FRMD4A: variants seen among roughly 807,000 people sequenced by gnomAD.
The protein encoded by FRMD4A is FERM domain-containing protein 4A.
Under a neutral mutation model 129.1 loss-of-function variants are expected in FRMD4A, and 29 were observed. The ratio of observed to expected loss-of-function variants is 0.22; its 90% CI spans 0.17 to 0.31. The LOEUF (loss-of-function observed/expected upper bound fraction) is 0.31. Ranked by LOEUF, FRMD4A falls within the 10% of genes least tolerant of loss-of-function variation. FRMD4A has a pLI of 1.00. For synonymous variants in FRMD4A, 634 were observed against 571.6 expected (o/e 1.11, Z -1.56); for missense variants, 1,272 against 1,375.8 (o/e 0.92, Z 1.19).
chr10:14,263,803 C>G (rs1844887339), intron 2 of FRMD4A, among the ~76,000 whole-genome samples: 1 of 152,256 alleles, frequency 6.6e-6, no homozygotes, highest in South Asian at 2.1e-4. Flanking sequence ...GGCGCCCACC[C>G]TTGATAAACC....
intron 2 of FRMD4A, among the ~76,000 whole-genome samples, chr10:13,866,028 A>G (rs1231534152): frequency 6.6e-6 from 1 of 152,144 alleles, no homozygotes; most frequent in Non-Finnish European, 1.5e-5. Context: ...CGTGAAAAGC[A>G]AGCCACCACG....
intron 2 of FRMD4A, among the ~76,000 whole-genome samples, chr10:13,941,827 C>T (rs2095294809): frequency 1.3e-5 from 2 of 152,196 alleles, no homozygotes; most frequent in Admixed American, 1.3e-4. Flanking sequence ...AACAGAAAGT[C>T]TTAGAGAGAA....
chr10:13,751,560 G>A (rs534416748), intron 8 of FRMD4A, among the ~76,000 whole-genome samples: 1 of 152,338 alleles, frequency 6.6e-6, no homozygotes, highest in African/African-American at 2.4e-5. Context: ...CCCAGAGCTT[G>A]CAAGGCTGTG....
chr10:14,048,902 G>GAATAGAATAGAATAT (rs1174889801), intron 2 of FRMD4A, among the ~76,000 whole-genome samples: 1 of 122,708 alleles, frequency 8.1e-6, no homozygotes, highest in East Asian at 2.7e-4. Flanking sequence ...GAATAGAATA[G>GAATAGAATAGAATAT]AAAATAAAAT....
intron 2 of FRMD4A, chr10:14,074,380 C>G (rs1215720321): frequency 2.6e-5 from 4 of 152,140 alleles, no homozygotes; most frequent in African/African-American, 9.7e-5. Flanking sequence ...GGGTCTTCAA[C>G]GAGATGAATT....
At chr10:13,952,346 TA>T (rs2095378217) in intron 2 of FRMD4A, among the ~76,000 whole-genome samples, 1 of 151,686 alleles carries the variant, frequency 6.6e-6, no homozygotes, top group African/African-American at 2.4e-5. Context: ...AAAAAATTTT[TA>T]AAAAGGAGCC....
At chr10:13,867,808 T>C (rs1307730236) in intron 2 of FRMD4A, among the ~76,000 whole-genome samples, 2 of 134,358 alleles carry the variant, frequency 1.5e-5, no homozygotes, top group African/African-American at 5.6e-5. Flanking sequence ...ATATAATAAA[T>C]AATACATAAT....
At chr10:14,133,875 C>A (rs931964525) in intron 2 of FRMD4A, among the ~76,000 whole-genome samples, 13 of 152,186 alleles carry the variant, frequency 8.5e-5, no homozygotes, top group African/African-American at 2.7e-4. Flanking sequence ...TTAGTCTCAC[C>A]TATGATGAAT....
chr10:13,883,622 A>G (rs1011423617), intron 2 of FRMD4A, among the ~76,000 whole-genome samples: 1 of 152,256 alleles, frequency 6.6e-6, no homozygotes, highest in Non-Finnish European at 1.5e-5. Flanking sequence ...CAAAATCTCT[A>G]TCGACTAATT....
chr10:14,128,040 CTTTCCCTCTTT>C lies in FRMD4A; in HGVS notation c.45+202007_45+202017del, dbSNP rs1564319901. 1.3e-3 allele frequency among the ~76,000 whole-genome samples: 165 copies of C among 123,668 alleles called. 1 individual carries two copies. Among genetic ancestry groups the C allele is most frequent in the Admixed American group, 8.0e-3 (89 of 11,126 alleles). 81.1% of individuals were successfully genotyped at this position (123,668 alleles called of 152,430 possible). On this transcript the variant is annotated intron_variant, in intron 2 of 24. Transcript: ENST00000357447. ...CCTTCCTTCCTTCCTTCCTTCCTTT[CTTTCCCTCTTT>C]CTTTCTTTCTTTCTTTCTTTCTTTC...
At chr10:14,149,247 G>A (rs534032997) in intron 2 of FRMD4A, among the ~76,000 whole-genome samples, 3 of 152,118 alleles carry the variant, frequency 2.0e-5, no homozygotes, top group Non-Finnish European at 2.9e-5. Flanking sequence ...CCTTTAATAT[G>A]CCTAATATTT....
Position 14,019,054 on chromosome 10 carries a change from G to T in FRMD4A, c.46-160142C>A, listed in dbSNP as rs554848294. On this transcript the variant is annotated intron_variant, in intron 2 of 24. Coordinates refer to ENST00000357447, the MANE Select transcript of FRMD4A (RefSeq NM_018027.5). ...TCTCCAGCAGAAGAATGTTAGAAGG[G>T]AATATGAATTCCAGGAAAAGGATTG... 9.2e-5 allele frequency among the ~76,000 whole-genome samples: 14 copies of T among 152,250 alleles called. No individual in the cohort carries two copies. The East Asian group carries it at 1.7e-3, about 19-fold the overall frequency.
At chr10:13,844,078 G>A (rs780079183) in intron 3 of FRMD4A, among the ~76,000 whole-genome samples, 2 of 152,176 alleles carry the variant, frequency 1.3e-5, no homozygotes, top group Non-Finnish European at 2.9e-5. Flanking sequence ...TTGTATGTAG[G>A]AGAGTGTGTG....
At chr10:14,095,459 A>C (rs1836901824) in intron 2 of FRMD4A, among the ~76,000 whole-genome samples, 1 of 152,214 alleles carries the variant, frequency 6.6e-6, no homozygotes, top group Non-Finnish European at 1.5e-5. Context: ...TTGTCGATTG[A>C]ATTGGAAGGC....
At chr10:14,116,711 G>A (rs1838218071) in intron 2 of FRMD4A, among the ~76,000 whole-genome samples, 1 of 152,124 alleles carries the variant, frequency 6.6e-6, no homozygotes, top group Admixed American at 6.5e-5. Context: ...TACTTGCCCA[G>A]TCCCCTGGCC....
intron 2 of FRMD4A, among the ~76,000 whole-genome samples, chr10:13,972,713 T>C (rs2095525335): frequency 6.6e-6 from 1 of 152,234 alleles, no homozygotes; most frequent in African/African-American, 2.4e-5. Flanking sequence ...GAATGGCATC[T>C]GCATCCTAAT....
intron 2 of FRMD4A, among the ~76,000 whole-genome samples, chr10:14,191,409 A>G (rs550592668): frequency 7.9e-5 from 12 of 152,292 alleles, no homozygotes; most frequent in Non-Finnish European, 1.5e-4. Flanking sequence ...CTCCTAAGAG[A>G]AAGGATATCA....
intron 2 of FRMD4A, among the ~76,000 whole-genome samples, chr10:14,115,337 T>C (rs1382803186): frequency 6.6e-6 from 1 of 152,226 alleles, no homozygotes; most frequent in Non-Finnish European, 1.5e-5. Context: ...GTGGTTGGCC[T>C]CTTATCACTT....
intron 2 of FRMD4A, among the ~76,000 whole-genome samples, chr10:13,886,641 T>C (rs1041511285): frequency 2.6e-5 from 4 of 152,150 alleles, no homozygotes; most frequent in African/African-American, 9.7e-5. Flanking sequence ...AGCGCAATGG[T>C]GCAATCATAG....
Sources: allele counts gnomAD v4.1 joint callset (sites outside exome capture counted in the v4.1 genomes callset), GRCh38; gene constraint gnomAD v4.1.1; transcripts MANE v1.5; gene names NCBI Gene and HGNC (gene_info 2026-07-23, HGNC 2026-07-21).